The following XYLT1 variants were observed in gnomAD, a reference collection of about 807,000 sequenced individuals.
The protein encoded by XYLT1 is beta-D-xylosyltransferase 1.
XYLT1 carries 36 observed loss-of-function variants against 91.3 expected under a neutral mutation model. The ratio of observed to expected loss-of-function variants is 0.39; its 90% CI spans 0.30 to 0.52. The LOEUF (loss-of-function observed/expected upper bound fraction) is 0.52, where lower values mean the gene tolerates loss of function less well. Ranked by LOEUF, XYLT1 falls within the 20% of genes least tolerant of loss-of-function variation. XYLT1 has a pLI of 0.68. For missense variants in XYLT1, 1,242 were observed against 1,284.5 expected, an observed-to-expected ratio of 0.97 and a Z score of 0.51; for synonymous variants, 588 against 532.0, an observed-to-expected ratio of 1.11 and a Z score of -1.45.
intron 3 of XYLT1, among the ~76,000 whole-genome samples, chr16:17,240,218 C>G (rs1464806112): frequency 1.3e-5 from 2 of 152,114 alleles, no homozygotes; most frequent in African/African-American, 2.4e-5. Flanking sequence ...TGTGGGGAAG[C>G]CTTCAGCTAC....
At chr16:17,419,704 A>T in intron 1 of XYLT1, among the ~76,000 whole-genome samples, 1 of 150,012 alleles carries the variant, frequency 6.7e-6, no homozygotes, top group Admixed American at 6.6e-5. Flanking sequence ...TTTCTAAAAT[A>T]TAAGAAAAAG....
At position 17,117,932 on chromosome 16, in the gene XYLT1, C is replaced by A. The variant is rs1226647331; in HGVS notation, c.2271G>T (p.Gly757=). The change falls in exon 11 of 12, where the codon GGG becomes GGT. Residue 757 remains glycine (G), a synonymous_variant. Transcript: ENST00000261381. ...DAKERLFRNF[G]GLLGPMDEPV... is the part of the protein sequence containing the mutation. ...GCTCATCCATGGGCCCCAGAAGACCCCCAAAGTTGCGGAATAGCCTCTCCT... is the reference window on the plus strand; with the variant it reads ...GCTCATCCATGGGCCCCAGAAGACCACCAAAGTTGCGGAATAGCCTCTCCT... 8 of 1,613,900 alleles carry A rather than the reference C, an allele frequency of 5.0e-6. No individual in the cohort carries two copies. Among genetic ancestry groups the A allele is most frequent in the Non-Finnish European group, 6.8e-6 (8 of 1,179,800 alleles).
chr16:17,190,136 G>A (rs1364195775), intron 5 of XYLT1, among the ~76,000 whole-genome samples: 2 of 152,130 alleles, frequency 1.3e-5, no homozygotes, highest in Non-Finnish European at 2.9e-5. Flanking sequence ...CTGAGGAGAG[G>A]TTTCTGGGAA....
chr16:17,318,945 G>A (rs2141828100), intron 2 of XYLT1, among the ~76,000 whole-genome samples: 1 of 152,168 alleles, frequency 6.6e-6, no homozygotes, highest in African/African-American at 2.4e-5. Context: ...GTGCCACCAT[G>A]CCGGGGTAAT....
chr16:17,274,308 G>T (rs2033939389), intron 2 of XYLT1, among the ~76,000 whole-genome samples: 1 of 152,124 alleles, frequency 6.6e-6, no homozygotes, highest in African/African-American at 2.4e-5. Flanking sequence ...GTTTAAGTAG[G>T]ATAGAATAAG....
At chr16:17,175,229 C>G (rs1457919518) in intron 5 of XYLT1, among the ~76,000 whole-genome samples, 1 of 152,146 alleles carries the variant, frequency 6.6e-6, no homozygotes, top group Non-Finnish European at 1.5e-5. Context: ...TCCACCTAAT[C>G]CTCACAACCC....
At chr16:17,358,428 C>G (rs1050540781) in intron 1 of XYLT1, among the ~76,000 whole-genome samples, 8 of 152,138 alleles carry the variant, frequency 5.3e-5, no homozygotes, top group African/African-American at 1.7e-4. Context: ...TGAGCCACCA[C>G]GCCAAGCTCC....
chr16:17,389,037 C>T (rs919576122), intron 1 of XYLT1, among the ~76,000 whole-genome samples: 2 of 152,156 alleles, frequency 1.3e-5, no homozygotes, highest in Non-Finnish European at 1.5e-5. Flanking sequence ...AGGGTATCCA[C>T]GAGTTGTAGC....
Position 17,152,947 on chromosome 16 carries a change from C to T in XYLT1, c.1370+5882G>A, listed in dbSNP as rs77121144. Among the ~76,000 whole-genome samples, 763 of 152,254 alleles carry T rather than the reference C, an allele frequency of 5.0e-3. 7 individuals carry two copies. Among genetic ancestry groups the T allele is most frequent in the African/African-American group, 0.017 (709 of 41,512 alleles). On this transcript the variant is annotated intron_variant, in intron 6 of 11. Coordinates refer to ENST00000261381, the MANE Select transcript of XYLT1 (RefSeq NM_022166.4). ...TTGTCGATACATATAAGGTCAATACCTAACTTTCATCACATGCCCACTTAT... is the reference window on the plus strand; with the variant it reads ...TTGTCGATACATATAAGGTCAATACTTAACTTTCATCACATGCCCACTTAT...
chr16:17,120,820 C>A (rs2030025121), intron 10 of XYLT1, among the ~76,000 whole-genome samples: 2 of 152,114 alleles, frequency 1.3e-5, no homozygotes, highest in South Asian at 4.1e-4. Flanking sequence ...CTATAGAGAT[C>A]TAAAAATAAA....
rs10573500 is a variant in XYLT1, at chr16:17,261,241, C to CAAAA, written c.403-1747_403-1744dup. Among the ~76,000 whole-genome samples, 26 of 96,410 alleles carry CAAAA rather than the reference C, an allele frequency of 2.7e-4. No homozygotes were observed. In the South Asian group the frequency reaches 3.0e-3, roughly 11 times the overall value. 63.2% of individuals were successfully genotyped at this position (96,410 alleles called of 152,430 possible). ...CTGGGGGGAGAGTGAAACTGGCTCTCAAAAAAAAAAAAAAAAAAAAAAGAT... is the reference window on the plus strand; with the variant it reads ...CTGGGGGGAGAGTGAAACTGGCTCTCAAAAAAAAAAAAAAAAAAAAAAAAAAGAT... On this transcript the variant is annotated intron_variant, in intron 2 of 11. Transcript: ENST00000261381.
chr16:17,459,501 G>A (rs1318819850), intron 1 of XYLT1, among the ~76,000 whole-genome samples: 1 of 152,152 alleles, frequency 6.6e-6, no homozygotes, highest in Non-Finnish European at 1.5e-5. Context: ...CACGATTGGT[G>A]TCTATACCAT....
chr16:17,219,280 CAAAAAA>C (rs369055155), intron 3 of XYLT1, among the ~76,000 whole-genome samples: 233 of 85,032 alleles, frequency 2.7e-3, no homozygotes, highest in African/African-American at 0.01. Flanking sequence ...GACTTTGTCT[CAAAAAA>C]AAAAAAAAAA....
At chr16:17,363,533 A>C (rs1377919726) in intron 1 of XYLT1, among the ~76,000 whole-genome samples, 2 of 151,890 alleles carry the variant, frequency 1.3e-5, no homozygotes, top group Non-Finnish European at 2.9e-5. Context: ...ATGTGTCAAA[A>C]TTTCCTCTTC....
chr16:17,375,004 T>C (rs1009004209), intron 1 of XYLT1, among the ~76,000 whole-genome samples: 1 of 152,166 alleles, frequency 6.6e-6, no homozygotes. Flanking sequence ...AAATCAGGCA[T>C]ATCCCAGACC....
chr16:17,126,874 G>C (rs756208198), intron 10 of XYLT1, among the ~76,000 whole-genome samples: 1 of 152,164 alleles, frequency 6.6e-6, no homozygotes, highest in South Asian at 2.1e-4. Flanking sequence ...CATACTGTCT[G>C]TGTGCTGGGG....
intron 2 of XYLT1, among the ~76,000 whole-genome samples, chr16:17,324,431 A>T (rs944499007): frequency 1.3e-5 from 2 of 152,176 alleles, no homozygotes; most frequent in African/African-American, 4.8e-5. Flanking sequence ...TGCTTCTCAA[A>T]CCAGCTGTGG....
rs553312645 is a variant in XYLT1, at chr16:17,104,953, T to G, written c.*3742A>C. ...TAACCCCTACCACAGTGTGTGGCTT[T>G]GATCCTGCAGGTCTAGCTTGCTGTC... On this transcript the variant is annotated 3_prime_UTR_variant, in exon 12 of 12. Coordinates refer to ENST00000261381, the MANE Select transcript of XYLT1 (RefSeq NM_022166.4). 3.9e-5 allele frequency: 6 copies of G among 152,402 alleles called. No individual in the cohort carries two copies. The East Asian group carries it at 1.2e-3, about 29-fold the overall frequency. The allele number at this position is 152,402 out of a possible 1,614,324, so 9.4% of individuals were successfully genotyped here.
chr16:17,305,270 A>C (rs1722827398), intron 2 of XYLT1, among the ~76,000 whole-genome samples: 1 of 152,210 alleles, frequency 6.6e-6, no homozygotes, highest in Admixed American at 6.5e-5. Context: ...AGACTACAGT[A>C]ACTAATCTCA....
Sources: gnomAD v4.1 joint callset for allele counts (sites outside exome capture counted in the v4.1 genomes callset) on GRCh38, gnomAD v4.1.1 for gene constraint, MANE v1.5 for transcripts, NCBI Gene and HGNC (gene_info 2026-07-23, HGNC 2026-07-21) for gene names.